Variants in GSN observed in about 807,000 individuals in gnomAD.
GSN encodes the protein gelsolin.
GSN carries 56 observed loss-of-function variants against 85.7 expected under a neutral mutation model. That is an observed-to-expected ratio of 0.65 (90% CI 0.53 to 0.82). The LOEUF (loss-of-function observed/expected upper bound fraction) is 0.82, where lower values mean the gene tolerates loss of function less well. GSN is among the 40% of genes least tolerant of loss of function. GSN has a pLI of 0.00. For synonymous variants in GSN, 373 were observed against 399.1 expected (o/e 0.93, Z 0.78); for missense variants, 857 against 979.8 (o/e 0.87, Z 1.67).
intron 4 of GSN, 143 bp from the exon 5 acceptor site, chr9:121,310,540 TG>T: frequency 1.3e-6 from 1 of 750,060 alleles, no homozygotes; most frequent in Non-Finnish European, 2.4e-6. Context: ...ATGAAAGTCC[TG>T]AGTTAACTGA....
intron 2 of GSN, among the ~76,000 whole-genome samples, chr9:121,294,157 A>G (rs1254043351): frequency 6.6e-6 from 1 of 152,138 alleles, no homozygotes; most frequent in South Asian, 2.1e-4. Flanking sequence ...GGGGCATTGT[A>G]GACCCTGCCT....
At position 121,302,058 on chromosome 9, in the gene GSN, C is replaced by G. The variant is rs757046360; in HGVS notation, c.87C>G (p.Pro29=). The G allele has an allele frequency of 5.0e-6, 8 of 1,614,234 alleles. No individual in the cohort carries two copies. Among genetic ancestry groups the G allele is most frequent in the East Asian group, 2.2e-5 (1 of 44,884 alleles). ...GTGTGGAGAAGTTCGATCTGGTGCC[C>G]GTGCCCACCAACCTTTATGGAGACT... ...IWRVEKFDLV[P]VPTNLYGDFF... is the part of the protein sequence containing the mutation. Residue 29 remains proline (P), a synonymous_variant, in exon 3 of 18, where the codon CCC becomes CCG. Transcript: ENST00000432226.
intron 2 of GSN, 185 bp from the exon 3 acceptor site, chr9:121,301,778 C>T: frequency 3.6e-6 from 3 of 840,998 alleles, no homozygotes; most frequent in Non-Finnish European, 5.7e-6. Context: ...AAGCATAAAA[C>T]TCTTGCCCTG....
Position 121,318,266 on chromosome 9 carries a change from G to T in GSN, c.887-140G>T. 1 of 759,254 alleles carries T rather than the reference G, an allele frequency of 1.3e-6. No individual in the cohort carries two copies. The highest frequency in any genetic ancestry group is 2.4e-6 in the Non-Finnish European group (1 of 420,764). The allele number at this position is 759,254 out of a possible 1,614,324, so 47.0% of individuals were successfully genotyped here. A position where few individuals can be genotyped will look rare whatever the true frequency, so the allele number is the denominator to read the frequency against. ...GCTCTAGTGAGTGGTCGGCTCTGGGGGTCTCTGGCCTTGGCTGTCCACAGT... is the reference window on the plus strand; with the variant it reads ...GCTCTAGTGAGTGGTCGGCTCTGGGTGTCTCTGGCCTTGGCTGTCCACAGT... On this transcript the variant is annotated intron_variant, in intron 8 of 17. Transcript: ENST00000432226. This position sits in a 1 kb window ranked among gnomAD's most constrained non-coding sequence, Gnocchi z 4.3.
rs1321544249 is a variant in GSN, at chr9:121,281,550, A to G, written c.-22A>G. 8.8e-6 allele frequency: 4 copies of G among 455,372 alleles called. No homozygotes were observed. The highest frequency in any genetic ancestry group is 4.9e-5 in the South Asian group (3 of 61,542). The allele number at this position is 455,372 out of a possible 1,614,324, so 28.2% of individuals were successfully genotyped here. ...CACGGAGCAGCACTCTTCACCCTGC[A>G]CAGCCTTGTTAGGTAGGTAGAGCAA... On this transcript the variant is annotated 5_prime_UTR_variant, in exon 2 of 18. Transcript: ENST00000432226.
intron 6 of GSN, among the ~76,000 whole-genome samples, chr9:121,249,495 A>G (rs1338186095): frequency 6.6e-6 from 1 of 152,098 alleles, no homozygotes; most frequent in Non-Finnish European, 1.5e-5. Context: ...AATAAATAAG[A>G]TGCAAGAAAG....
chr9:121,305,543 G>A (rs1053918915), intron 4 of GSN, among the ~76,000 whole-genome samples: 2 of 152,368 alleles, frequency 1.3e-5, no homozygotes, highest in Non-Finnish European at 2.9e-5. Context: ...AAACCCAGGT[G>A]TGAAGGGCCT....
intron 4 of GSN, among the ~76,000 whole-genome samples, chr9:121,211,626 A>G (rs1245973304): frequency 6.6e-6 from 1 of 152,194 alleles, no homozygotes. Context: ...AGCTGAAACC[A>G]GCGGTGTGAC....
intron 2 of GSN, among the ~76,000 whole-genome samples, chr9:121,290,392 T>TACAAG (rs1397201444): frequency 5.9e-5 from 9 of 152,088 alleles, no homozygotes; most frequent in Non-Finnish European, 1.3e-4. Context: ...TCTGTTTGGG[T>TACAAG]TAAAGGAGGG....
chr9:121,219,422 T>C (rs2054126582), intron 4 of GSN, among the ~76,000 whole-genome samples: 2 of 152,154 alleles, frequency 1.3e-5, no homozygotes, highest in African/African-American at 4.8e-5. Context: ...TACCAAAGCC[T>C]TCCTGATAGC....
intron 4 of GSN, among the ~76,000 whole-genome samples, chr9:121,227,639 T>C (rs909399137): frequency 1.3e-5 from 2 of 152,134 alleles, no homozygotes; most frequent in African/African-American, 4.8e-5. Context: ...AGTATTAGAA[T>C]TGAATTCAGT....
chr9:121,286,719 C>T, intron 2 of GSN: 3 of 1,535,448 alleles, frequency 2.0e-6, no homozygotes, highest in Non-Finnish European at 2.6e-6. Context: ...CATCATTCTC[C>T]TTACCTGTCT....
At chr9:121,203,817 C>CA (rs1416011385), upstream of GSN, among the ~76,000 whole-genome samples, 1 of 152,074 alleles carries the variant, frequency 6.6e-6, no homozygotes, top group African/African-American at 2.4e-5. Flanking sequence ...ATAGTATATG[C>CA]AAAATATCTG....
At chr9:121,305,255 G>A (rs1018578714) in intron 4 of GSN, among the ~76,000 whole-genome samples, 1 of 152,148 alleles carries the variant, frequency 6.6e-6, no homozygotes, top group Non-Finnish European at 1.5e-5. Flanking sequence ...TAGGGTGGAT[G>A]GTAATGCTCC....
intron 2 of GSN, among the ~76,000 whole-genome samples, chr9:121,293,330 A>G (rs1217247667): frequency 4.6e-5 from 7 of 151,860 alleles, no homozygotes; most frequent in Admixed American, 2.0e-4. Flanking sequence ...CCTGTCACCT[A>G]TGTCCCCTCA....
At chr9:121,289,346 CCTCT>C (rs2058461215) in intron 2 of GSN, among the ~76,000 whole-genome samples, 1 of 152,058 alleles carries the variant, frequency 6.6e-6, no homozygotes, top group East Asian at 1.9e-4. Context: ...CCCCAGATCC[CCTCT>C]CTCTGAGATA....
intron 6 of GSN, among the ~76,000 whole-genome samples, chr9:121,248,743 G>C (rs2054752958): frequency 6.6e-6 from 1 of 152,190 alleles, no homozygotes; most frequent in South Asian, 2.1e-4. Context: ...AGGGAACAGA[G>C]AGAGCAAATG....
intron 4 of GSN, among the ~76,000 whole-genome samples, chr9:121,216,463 A>G (rs2054066210): frequency 6.6e-6 from 1 of 152,216 alleles, no homozygotes; most frequent in Non-Finnish European, 1.5e-5. Context: ...AATCTGACAC[A>G]GGACAGACAT....
chr9:121,262,588 G>A (rs1210499179), intron 6 of GSN, among the ~76,000 whole-genome samples: 1 of 152,204 alleles, frequency 6.6e-6, no homozygotes, highest in Non-Finnish European at 1.5e-5. Context: ...TGGGAGGCTG[G>A]CTAGCTGGGA....
Sources: allele counts gnomAD v4.1 joint callset (sites outside exome capture counted in the v4.1 genomes callset), GRCh38; gene constraint gnomAD v4.1.1; non-coding constraint Gnocchi (gnomAD v3.1); transcripts MANE v1.5; gene names NCBI Gene and HGNC (gene_info 2026-07-23, HGNC 2026-07-21).